The following PRSS23 variants were observed in gnomAD, a reference collection of about 807,000 sequenced individuals.
PRSS23 encodes serine protease 23, also known as protease, serine 23.
In PRSS23, 25 loss-of-function variants were observed where a neutral mutation model predicts 34.7. The ratio of observed to expected loss-of-function variants is 0.72; its 90% CI spans 0.53 to 1.01. The LOEUF (loss-of-function observed/expected upper bound fraction) is 1.01. Ranked by LOEUF, PRSS23 falls within the 50% of genes least tolerant of loss-of-function variation. The pLI is 0.00. For missense variants in PRSS23, 445 were observed against 475.6 expected (o/e 0.94, Z 0.60); for synonymous variants, 176 against 186.6 (o/e 0.94, Z 0.46).
intron 2 of PRSS23, chr11:86,911,037 G>A (rs1424952120): frequency 6.6e-6 from 1 of 152,040 alleles, no homozygotes; most frequent in East Asian, 1.9e-4. Context: ...ATTTTTAGAA[G>A]TACCAGAATC....
At chr11:86,898,049 T>C (rs1031941243) in intron 2 of PRSS23, among the ~76,000 whole-genome samples, 1 of 152,232 alleles carries the variant, frequency 6.6e-6, no homozygotes, top group Admixed American at 6.5e-5. Flanking sequence ...CACAGATTAC[T>C]TGAGGATGTT....
intron 2 of PRSS23, among the ~76,000 whole-genome samples, chr11:86,853,333 C>T (rs1468157592): frequency 6.8e-6 from 1 of 146,056 alleles, no homozygotes; most frequent in Non-Finnish European, 1.5e-5. Flanking sequence ...GGGCTCACCG[C>T]AACCTCCGCC....
intron 2 of PRSS23, among the ~76,000 whole-genome samples, chr11:86,944,544 C>T (rs1949227882): frequency 1.3e-5 from 2 of 152,206 alleles, no homozygotes; most frequent in Admixed American, 1.3e-4. Context: ...CCCTCGCCCT[C>T]TCTACGTCTT....
chr11:86,876,957 T>A (rs536774093), intron 2 of PRSS23, among the ~76,000 whole-genome samples: 5 of 152,286 alleles, frequency 3.3e-5, no homozygotes, highest in African/African-American at 1.2e-4. Context: ...GTCTCCATCA[T>A]AAGAAAGAGT....
chr11:86,853,725 A>G (rs1948548099), intron 2 of PRSS23, among the ~76,000 whole-genome samples: 1 of 152,098 alleles, frequency 6.6e-6, no homozygotes, highest in Admixed American at 6.5e-5. Context: ...GCTGGCTTCT[A>G]ATTCTTTTTG....
intron 2 of PRSS23, among the ~76,000 whole-genome samples, chr11:86,838,019 C>T (rs893975758): frequency 6.6e-6 from 1 of 151,862 alleles, no homozygotes; most frequent in Non-Finnish European, 1.5e-5. Flanking sequence ...AGCAGATTTC[C>T]CTTTCCTAGC....
chr11:86,818,892 A>G (rs568672326), intron 1 of PRSS23, among the ~76,000 whole-genome samples: 3 of 152,096 alleles, frequency 2.0e-5, no homozygotes, highest in Non-Finnish European at 2.9e-5. Flanking sequence ...CCTTCTTTCA[A>G]GTTTGTTCTC....
chr11:86,808,097 A>G lies in PRSS23; in HGVS notation c.454A>G (p.Thr152Ala). ...CTTCCTGCTCAACTACCCTTTCTCA[A>G]CATCAGTGAAGTTATCCACGGGCTG... is the stretch of plus-strand genomic sequence containing the variant. ...KDFLLNYPFS[T>A]SVKLSTGCTG... The change falls in exon 2 of 2, where the codon ACA becomes GCA. Residue 152 changes from threonine (T) to alanine (A), a missense_variant. Coordinates refer to ENST00000280258, the MANE Select transcript of PRSS23 (RefSeq NM_007173.6). 2.5e-6 allele frequency: 4 copies of G among 1,614,092 alleles called. No individual in the cohort carries two copies. The African/African-American group carries it at 4.0e-5, about 16-fold the overall frequency.
At chr11:86,839,933 C>T (rs956135786) in intron 2 of PRSS23, among the ~76,000 whole-genome samples, 1 of 151,266 alleles carries the variant, frequency 6.6e-6, no homozygotes, top group African/African-American at 2.4e-5. Flanking sequence ...GCCTGCCTTA[C>T]AAGAGCTCCT....
chr11:86,860,542 C>A (rs896726488), intron 2 of PRSS23, among the ~76,000 whole-genome samples: 1 of 151,738 alleles, frequency 6.6e-6, no homozygotes, highest in African/African-American at 2.4e-5. Context: ...TTCGTAATAT[C>A]CAGGGAGGGA....
chr11:86,823,060 G>A (rs945724614), intron 1 of PRSS23, among the ~76,000 whole-genome samples: 1 of 152,180 alleles, frequency 6.6e-6, no homozygotes, highest in Admixed American at 6.5e-5. Context: ...GTCTCGACCT[G>A]ACCAGCCTGA....
intron 2 of PRSS23, among the ~76,000 whole-genome samples, chr11:86,915,878 C>G (rs1353752802): frequency 6.6e-6 from 1 of 151,940 alleles, no homozygotes; most frequent in Non-Finnish European, 1.5e-5. Flanking sequence ...TGGTGAAACC[C>G]TGTCTCTACT....
chr11:86,800,408 G>A, upstream of PRSS23: 1 of 970,966 alleles, frequency 1.0e-6, no homozygotes, highest in Non-Finnish European at 1.2e-6. Context: ...GGCGAGGGGA[G>A]GGGGGCACGG....
chr11:86,800,367 C>T (rs992664743), upstream of PRSS23: 16 of 850,842 alleles, frequency 1.9e-5, no homozygotes, highest in South Asian at 2.7e-4. Flanking sequence ...GCCCTCTGGG[C>T]TGCTCCACCC....
intron 2 of PRSS23, chr11:86,921,322 A>G (rs1419808676): frequency 6.6e-6 from 1 of 152,210 alleles, no homozygotes; most frequent in East Asian, 1.9e-4. Context: ...ATTCATCCTT[A>G]CTTTCTTCAA....
At chr11:86,879,101 C>T (rs1260121040) in intron 2 of PRSS23, among the ~76,000 whole-genome samples, 2 of 142,514 alleles carry the variant, frequency 1.4e-5, no homozygotes, top group Non-Finnish European at 3.1e-5. Flanking sequence ...AAGTGAGGAG[C>T]ACCTCTTCCC....
intron 2 of PRSS23, among the ~76,000 whole-genome samples, chr11:86,864,478 C>A (rs1948637351): frequency 1.3e-5 from 2 of 152,340 alleles, no homozygotes; most frequent in African/African-American, 2.4e-5. Context: ...TGGCCAATGA[C>A]AATCCTGGCC....
intron 2 of PRSS23, among the ~76,000 whole-genome samples, chr11:86,832,035 G>A (rs1454550098): frequency 6.6e-6 from 1 of 151,336 alleles, no homozygotes; most frequent in African/African-American, 2.4e-5. Flanking sequence ...CATAATATCC[G>A]AGGTAAATGT....
chr11:86,833,166 C>G, intron 2 of PRSS23: 10 of 904,026 alleles, frequency 1.1e-5, no homozygotes, highest in Non-Finnish European at 1.6e-5. Flanking sequence ...ACATCTGAGT[C>G]AGGCAGCCTG....
Sources: gnomAD v4.1 joint callset for allele counts (sites outside exome capture counted in the v4.1 genomes callset) on GRCh38, gnomAD v4.1.1 for gene constraint, MANE v1.5 for transcripts, NCBI Gene and HGNC (gene_info 2026-07-23, HGNC 2026-07-21) for gene names.